IMMP2L: variants seen among roughly 807,000 people sequenced by gnomAD.
IMMP2L encodes the protein inner mitochondrial membrane peptidase subunit 2.
A neutral mutation model predicts 19.3 loss-of-function variants in IMMP2L; 18 were observed. The observed-to-expected ratio is 0.93, with a 90% CI of 0.64 to 1.38. IMMP2L has a LOEUF of 1.38. IMMP2L is among the 40% of genes most tolerant of loss of function. The pLI, the probability that IMMP2L is intolerant of heterozygous loss-of-function variation, is 0.00. For missense variants in IMMP2L, 233 were observed against 218.2 expected (o/e 1.07, Z -0.43); for synonymous variants, 76 against 73.0 (o/e 1.04, Z -0.21).
At position 111,501,740 on chromosome 7, in the gene IMMP2L, G is replaced by T. The variant is rs185117669; in HGVS notation, c.136-14399C>A. Among the ~76,000 whole-genome samples the T allele has an allele frequency of 4.0e-3, 609 of 152,212 alleles. 2 individuals carry two copies. The highest frequency in any genetic ancestry group is 5.5e-3 in the Non-Finnish European group (375 of 68,020). On this transcript the variant is annotated intron_variant, in intron 2 of 5. Coordinates refer to ENST00000405709, the MANE Select transcript of IMMP2L (RefSeq NM_032549.4). ...GCCAAACTAAGCTTCATAAGTGAAG[G>T]AGAAATAAAATACTTTACAGAGATG... is the stretch of plus-strand genomic sequence containing the variant.
intron 3 of IMMP2L, among the ~76,000 whole-genome samples, chr7:111,125,936 C>A (rs537243238): frequency 3.3e-5 from 5 of 151,448 alleles, no homozygotes; most frequent in Non-Finnish European, 5.9e-5. Flanking sequence ...AATTCTCCTG[C>A]CTCAACCTCC....
chr7:111,065,113 T>C lies in IMMP2L; in HGVS notation c.240-101548A>G, dbSNP rs557833653. On this transcript the variant is annotated intron_variant, in intron 3 of 5. Coordinates refer to ENST00000405709, the MANE Select transcript of IMMP2L (RefSeq NM_032549.4). ...ACAACCTCATGACCAGTTGCAGAAA[T>C]GAGGACTGTAATTATCATGAGTATT... 1.2e-4 allele frequency among the ~76,000 whole-genome samples: 18 copies of C among 152,296 alleles called. No individual in the cohort carries two copies. In the South Asian group the frequency reaches 3.7e-3, roughly 32 times the overall value.
chr7:110,913,093 T>C (rs999324447), intron 4 of IMMP2L, among the ~76,000 whole-genome samples: 1 of 152,136 alleles, frequency 6.6e-6, no homozygotes, highest in Non-Finnish European at 1.5e-5. Context: ...AAATAAAATA[T>C]AAAGTCTGAC....
At chr7:111,252,447 A>G (rs1390714262) in intron 3 of IMMP2L, among the ~76,000 whole-genome samples, 1 of 152,148 alleles carries the variant, frequency 6.6e-6, no homozygotes, top group Admixed American at 6.6e-5. Flanking sequence ...ATAAACAAGT[A>G]CCCTAAATAT....
At chr7:110,851,099 G>C (rs1185629786) in intron 5 of IMMP2L, among the ~76,000 whole-genome samples, 1 of 152,118 alleles carries the variant, frequency 6.6e-6, no homozygotes, top group Admixed American at 6.6e-5. Flanking sequence ...AATTCTTTCT[G>C]ACTACTTGGT....
At chr7:110,689,960 G>T (rs1320103392) in intron 5 of IMMP2L, among the ~76,000 whole-genome samples, 1 of 152,142 alleles carries the variant, frequency 6.6e-6, no homozygotes, top group South Asian at 2.1e-4. Context: ...TTTCTCATGG[G>T]AGGCTTTTGT....
chr7:111,052,194 C>T (rs1041946730), intron 3 of IMMP2L, among the ~76,000 whole-genome samples: 1 of 152,204 alleles, frequency 6.6e-6, no homozygotes, highest in African/African-American at 2.4e-5. Flanking sequence ...AAAGCCATCT[C>T]TTGTGGAGGA....
In IMMP2L at chr7:110,820,794, C is replaced by T. The variant is rs151337256; in HGVS notation, c.408+65799G>A. 7.9e-3 allele frequency among the ~76,000 whole-genome samples: 1,207 copies of T among 152,114 alleles called. 9 individuals carry two copies. The highest frequency in any genetic ancestry group is 0.027 in the Middle Eastern group (8 of 294). ...CTAATAAGGGGTGGTAGGAAGTACA[C>T]CGAACTAAGAAGTGTTGGGGCCTCA... On this transcript the variant is annotated intron_variant, in intron 5 of 5. Transcript: ENST00000405709.
At position 111,556,040 on chromosome 7, in the gene IMMP2L, A is replaced by ATATATATATATATATATATATATG. The variant is rs1264908580; in HGVS notation, c.-3+5810_-3+5811insCATATATATATATATATATATATA. On this transcript the variant is annotated intron_variant, in intron 1 of 5. Transcript: ENST00000405709. Reference sequence around the variant, plus strand: ...CATGTATATATATATATATATACATACCCAAAGAAAATGAAACCGCAACCT... The same window carrying ATATATATATATATATATATATATG: ...CATGTATATATATATATATATACATATATATATATATATATATATATATGCCCAAAGAAAATGAAACCGCAACCT... 5.0e-5 allele frequency among the ~76,000 whole-genome samples: 7 copies of ATATATATATATATATATATATATG among 139,354 alleles called. 1 individual carries two copies. The highest frequency in any genetic ancestry group is 9.4e-5 in the Non-Finnish European group (6 of 63,768). 91.4% of individuals were successfully genotyped at this position (139,354 alleles called of 152,430 possible). A position where few individuals can be genotyped will look rare whatever the true frequency, so the allele number is the denominator to read the frequency against.
chr7:110,668,801 TAGAG>T (rs10536678), intron 5 of IMMP2L, among the ~76,000 whole-genome samples: 8,067 of 151,052 alleles, frequency 0.053, 251 homozygotes, highest in South Asian at 0.08. Flanking sequence ...TTGAGAATAA[TAGAG>T]AGAGAGAGAG....
At chr7:111,211,959 T>C (rs1811366247) in intron 3 of IMMP2L, among the ~76,000 whole-genome samples, 1 of 152,114 alleles carries the variant, frequency 6.6e-6, no homozygotes, top group Non-Finnish European at 1.5e-5. Context: ...ATCGGGCCAC[T>C]GCACTCCAGC....
intron 3 of IMMP2L, among the ~76,000 whole-genome samples, chr7:111,072,914 A>AG (rs1795082256): frequency 6.6e-6 from 1 of 151,998 alleles, no homozygotes; most frequent in Non-Finnish European, 1.5e-5. Flanking sequence ...AAAAAAAAAA[A>AG]AAAAGGAGTC....
At chr7:111,096,369 G>A (rs1797396637) in intron 3 of IMMP2L, among the ~76,000 whole-genome samples, 1 of 151,674 alleles carries the variant, frequency 6.6e-6, no homozygotes. Context: ...CCCTTTTTAT[G>A]GAACTTCCAC....
intron 5 of IMMP2L, among the ~76,000 whole-genome samples, chr7:110,880,969 G>A (rs1288041142): frequency 1.3e-5 from 2 of 152,078 alleles, no homozygotes; most frequent in African/African-American, 2.4e-5. Flanking sequence ...TGATTTGGTA[G>A]GAATGGAAGC....
At position 111,541,738 on chromosome 7, in the gene IMMP2L, T is replaced by C. The variant is rs143579708; in HGVS notation, c.-3+20113A>G. ...GAGCTAGATAAAAATATATGAGCCA[T>C]ATAGAGATTTGATGCAATTTAAATT... On this transcript the variant is annotated intron_variant, in intron 1 of 5. Coordinates refer to ENST00000405709, the MANE Select transcript of IMMP2L (RefSeq NM_032549.4). Among the ~76,000 whole-genome samples, 324 of 152,198 alleles carry C rather than the reference T, an allele frequency of 2.1e-3. 3 individuals are homozygous for C. Among genetic ancestry groups the C allele is most frequent in the African/African-American group, 7.4e-3 (306 of 41,544 alleles).
At chr7:111,077,845 C>T (rs2129576010) in intron 3 of IMMP2L, among the ~76,000 whole-genome samples, 1 of 152,308 alleles carries the variant, frequency 6.6e-6, no homozygotes. Flanking sequence ...CTCATGCACA[C>T]TGGCCTTTTT....
At chr7:111,058,016 C>T (rs577285547) in intron 3 of IMMP2L, among the ~76,000 whole-genome samples, 4 of 152,260 alleles carry the variant, frequency 2.6e-5, no homozygotes, top group Admixed American at 2.6e-4. Flanking sequence ...TCTTCAGCAG[C>T]TCTCTTCCCA....
chr7:111,524,839 C>A (rs1388115978), intron 1 of IMMP2L, among the ~76,000 whole-genome samples: 2 of 152,094 alleles, frequency 1.3e-5, no homozygotes, highest in African/African-American at 4.8e-5. Context: ...GTGGTTCCAT[C>A]AGAAAATGAC....
chr7:110,984,462 T>C (rs1459294604), intron 3 of IMMP2L, among the ~76,000 whole-genome samples: 2 of 152,058 alleles, frequency 1.3e-5, no homozygotes, highest in African/African-American at 4.8e-5. Flanking sequence ...AGTGTGAATA[T>C]ACTACACAAG....
Sources: gnomAD v4.1 joint callset for allele counts (sites outside exome capture counted in the v4.1 genomes callset) on GRCh38, gnomAD v4.1.1 for gene constraint, MANE v1.5 for transcripts, NCBI Gene and HGNC (gene_info 2026-07-23, HGNC 2026-07-21) for gene names.